NUBPL: variants seen among roughly 807,000 people sequenced by gnomAD.
NUBPL encodes the protein NUBP iron-sulfur cluster assembly factor, mitochondrial.
NUBPL carries 31 observed loss-of-function variants against 45.7 expected under a neutral mutation model. The ratio of observed to expected loss-of-function variants is 0.68; its 90% CI spans 0.51 to 0.92. The LOEUF is 0.92. Ranked by LOEUF, NUBPL falls within the 40% of genes least tolerant of loss-of-function variation. The probability of loss-of-function intolerance (pLI) is 0.00; values close to 1 mark genes in which losing one functional copy is unlikely to be tolerated. For missense variants in NUBPL, 401 were observed against 398.7 expected (o/e 1.01, Z -0.05); for synonymous variants, 144 against 140.9 (o/e 1.02, Z -0.15).
intron 7 of NUBPL, chr14:31,800,817 T>C (rs1456584281): frequency 1.3e-5 from 2 of 152,244 alleles, no homozygotes; most frequent in Non-Finnish European, 2.9e-5. Context: ...ATGTGAAGCA[T>C]GTTTTCTCTT....
At chr14:31,583,812 G>A (rs944109007) in intron 3 of NUBPL, among the ~76,000 whole-genome samples, 2 of 152,150 alleles carry the variant, frequency 1.3e-5, no homozygotes, top group African/African-American at 4.8e-5. Flanking sequence ...GGAGAAGGAG[G>A]TAGAATTGGT....
At chr14:31,801,372 GC>G (rs2039586864) in intron 7 of NUBPL, among the ~76,000 whole-genome samples, 1 of 151,936 alleles carries the variant, frequency 6.6e-6, no homozygotes, top group Non-Finnish European at 1.5e-5. Context: ...GGAGACTACA[GC>G]AAGTGGAATA....
chr14:31,666,241 A>AT lies in NUBPL; in HGVS notation c.383-7113dup, dbSNP rs2036411163. ...ATTTATATTTAAGATATATATATAT[A>AT]TATATATATATATATATATATAATT... On this transcript the variant is annotated intron_variant, in intron 4 of 10. Coordinates refer to ENST00000281081, the MANE Select transcript of NUBPL (RefSeq NM_025152.3). 7.9e-4 allele frequency among the ~76,000 whole-genome samples: 19 copies of AT among 24,054 alleles called. No individual in the cohort carries two copies. In the South Asian group the frequency reaches 0.034, roughly 43 times the overall value. The allele number at this position is 24,054 out of a possible 152,430, so 15.8% of individuals were successfully genotyped here. A position where few individuals can be genotyped will look rare whatever the true frequency, so the allele number is the denominator to read the frequency against.
intron 4 of NUBPL, among the ~76,000 whole-genome samples, chr14:31,621,320 C>T (rs2035055758): frequency 6.6e-6 from 1 of 152,074 alleles, no homozygotes; most frequent in Admixed American, 6.6e-5. Context: ...TTCCAGGTGC[C>T]ACTGAGGTAT....
In NUBPL at chr14:31,620,682, C is replaced by T. The variant is rs191213300; in HGVS notation, c.382+21303C>T. Among the ~76,000 whole-genome samples, 21 of 152,232 alleles carry T rather than the reference C, an allele frequency of 1.4e-4. No individual in the cohort carries two copies. In the East Asian group the frequency reaches 2.3e-3, roughly 17 times the overall value. ...TCATCCCAGAGAGGCACCCACCAGA[C>T]GCCAGCCAGAGCTGTCCTGTATGAG... On this transcript the variant is annotated intron_variant, in intron 4 of 10. Transcript: ENST00000281081.
At chr14:31,804,728 T>C (rs1370440146) in intron 7 of NUBPL, among the ~76,000 whole-genome samples, 1 of 152,036 alleles carries the variant, frequency 6.6e-6, no homozygotes, top group Non-Finnish European at 1.5e-5. Context: ...TAACTGGCTA[T>C]CCATAAGCAG....
intron 4 of NUBPL, among the ~76,000 whole-genome samples, chr14:31,652,253 CAG>C (rs1271507813): frequency 1.3e-5 from 2 of 152,012 alleles, no homozygotes; most frequent in Non-Finnish European, 2.9e-5. Context: ...AAGTGGAACT[CAG>C]AGAATTAGAG....
intron 8 of NUBPL, among the ~76,000 whole-genome samples, chr14:31,838,767 A>G (rs1566591898): frequency 1.3e-5 from 2 of 152,062 alleles, no homozygotes; most frequent in Non-Finnish European, 2.9e-5. Flanking sequence ...TTATTCAGAT[A>G]TTTTACATTT....
intron 3 of NUBPL, among the ~76,000 whole-genome samples, chr14:31,587,816 A>G (rs1457465673): frequency 6.6e-6 from 1 of 152,250 alleles, no homozygotes; most frequent in Non-Finnish European, 1.5e-5. Flanking sequence ...TCTTAAACAA[A>G]AAACAGACAA....
chr14:31,630,897 A>C, intron 4 of NUBPL, among the ~76,000 whole-genome samples: 1 of 152,078 alleles, frequency 6.6e-6, no homozygotes, highest in South Asian at 2.1e-4. Flanking sequence ...TTTCTCATTC[A>C]TGTGAAAACT....
rs751875903 is a variant in NUBPL, at chr14:31,804,890, A to G, written c.607+17017A>G. Reference sequence around the variant, plus strand: ...ATAGGAATGGCAAAGATTTCATGACAAAGATGCTAACAGCAATCACAACAA... The same window carrying G: ...ATAGGAATGGCAAAGATTTCATGACGAAGATGCTAACAGCAATCACAACAA... On this transcript the variant is annotated intron_variant, in intron 7 of 10. Transcript: ENST00000281081. Among the ~76,000 whole-genome samples, 7 of 152,242 alleles carry G rather than the reference A, an allele frequency of 4.6e-5. No homozygotes were observed. The South Asian group carries it at 1.4e-3, about 32-fold the overall frequency.
intron 7 of NUBPL, among the ~76,000 whole-genome samples, chr14:31,817,024 G>T (rs185174292): frequency 2.0e-5 from 3 of 152,028 alleles, no homozygotes; most frequent in South Asian, 4.2e-4. Context: ...CGAGAACTTC[G>T]TGAAGCATTC....
Position 31,637,085 on chromosome 14 carries a change from T to G in NUBPL, c.383-36270T>G, listed in dbSNP as rs2139681818. Among the ~76,000 whole-genome samples the G allele has an allele frequency of 1.3e-5, 2 of 152,348 alleles. 1 individual carries two copies. Among genetic ancestry groups the G allele is most frequent in the South Asian group, 4.1e-4 (2 of 4,830 alleles). ...TTTGAAGGGATTTTGTGTCTCTATT[T>G]CCTTCAGTTCTGCTCCGATTTTAGT... On this transcript the variant is annotated intron_variant, in intron 4 of 10. Transcript: ENST00000281081.
intron 7 of NUBPL, among the ~76,000 whole-genome samples, chr14:31,799,436 G>A (rs1352918420): frequency 1.3e-5 from 2 of 152,090 alleles, no homozygotes; most frequent in Non-Finnish European, 2.9e-5. Flanking sequence ...TTCTTAATTA[G>A]CAACTCTTTG....
intron 4 of NUBPL, among the ~76,000 whole-genome samples, chr14:31,647,378 C>T (rs563458436): frequency 3.9e-4 from 60 of 152,164 alleles, no homozygotes; most frequent in African/African-American, 1.4e-3. Context: ...TTTTGAATTT[C>T]TTTTTTTTCT....
intron 4 of NUBPL, 125 bp downstream of exon 4, chr14:31,599,504 G>A (rs1279818331): frequency 1.5e-6 from 1 of 671,908 alleles, no homozygotes. Context: ...CCTCACTTAA[G>A]TTAGTAGATT....
intron 4 of NUBPL, among the ~76,000 whole-genome samples, chr14:31,610,608 C>CAAAAAAAAAAAAAAAA (rs775656176): frequency 2.5e-3 from 236 of 94,382 alleles, no homozygotes; most frequent in Non-Finnish European, 3.0e-3. Flanking sequence ...AAAGATACAT[C>CAAAAAAAAAAAAAAAA]AAAAAAAAAA....
chr14:31,703,895 G>T (rs1032737932), intron 6 of NUBPL, among the ~76,000 whole-genome samples: 3 of 151,350 alleles, frequency 2.0e-5, no homozygotes, highest in Admixed American at 6.6e-5. Context: ...ACAGGAGATT[G>T]TCTCTGCCTG....
chr14:31,793,459 T>C (rs1453498087), intron 7 of NUBPL, among the ~76,000 whole-genome samples: 2 of 152,236 alleles, frequency 1.3e-5, no homozygotes, highest in African/African-American at 4.8e-5. Flanking sequence ...ATTATTCCTA[T>C]AGCACTTCTG....
Sources: allele counts gnomAD v4.1 joint callset (sites outside exome capture counted in the v4.1 genomes callset), GRCh38; gene constraint gnomAD v4.1.1; transcripts MANE v1.5; gene names NCBI Gene and HGNC (gene_info 2026-07-23, HGNC 2026-07-21).